The following PDE3B variants were observed in gnomAD, a reference collection of about 807,000 sequenced individuals.
PDE3B encodes the protein cGMP-inhibited 3',5'-cyclic phosphodiesterase 3B.
A neutral mutation model predicts 116.8 loss-of-function variants in PDE3B; 66 were observed. The observed-to-expected ratio is 0.56, with a 90% CI of 0.46 to 0.69. PDE3B has a LOEUF of 0.69. Ranked by LOEUF, PDE3B falls within the 30% of genes least tolerant of loss-of-function variation. PDE3B has a pLI of 0.00. For missense variants in PDE3B, 1,384 were observed against 1,368.1 expected, an observed-to-expected ratio of 1.01 and a Z score of -0.18; for synonymous variants, 595 against 533.6, an observed-to-expected ratio of 1.12 and a Z score of -1.59.
At chr11:14,879,115 T>A in the PDE3B span, 1 of 1,612,628 alleles carries the variant, frequency 6.2e-7, no homozygotes. Context: ...TTCTCTTACC[T>A]AGGGAAAAAG....
At chr11:14,654,947 AG>A (rs1423613501) in intron 1 of PDE3B, among the ~76,000 whole-genome samples, 6 of 61,894 alleles carry the variant, frequency 9.7e-5, no homozygotes, top group Admixed American at 6.8e-4. Context: ...CAGAGAAAAA[AG>A]GAGGTCAAAA....
At chr11:14,736,599 A>C (rs1336448937) in intron 1 of PDE3B, among the ~76,000 whole-genome samples, 1 of 152,250 alleles carries the variant, frequency 6.6e-6, no homozygotes, top group African/African-American at 2.4e-5. Context: ...GTTCATAAAC[A>C]TATTCAAATA....
the PDE3B span, chr11:14,880,895 G>C: frequency 1.2e-6 from 1 of 858,452 alleles, no homozygotes; most frequent in Non-Finnish European, 1.8e-6. Flanking sequence ...ATAACTACAT[G>C]GTTGGGTCCT....
intron 1 of PDE3B, among the ~76,000 whole-genome samples, chr11:14,749,388 C>T (rs1294742456): frequency 1.3e-5 from 2 of 151,992 alleles, no homozygotes; most frequent in African/African-American, 2.4e-5. Context: ...AACTCTATAC[C>T]TCTGAAGATA....
chr11:14,761,616 G>T (rs1353749335), intron 1 of PDE3B, among the ~76,000 whole-genome samples: 1 of 152,082 alleles, frequency 6.6e-6, no homozygotes, highest in East Asian at 1.9e-4. Flanking sequence ...AGTACATTTT[G>T]TTTTATAAGT....
At chr11:14,847,334 C>T (rs1221701730) in intron 12 of PDE3B, among the ~76,000 whole-genome samples, 5 of 151,020 alleles carry the variant, frequency 3.3e-5, no homozygotes, top group African/African-American at 1.2e-4. Context: ...GGGACACATT[C>T]AAAGCAGTGT....
chr11:14,815,109 C>T (rs1859282110), intron 5 of PDE3B, among the ~76,000 whole-genome samples: 1 of 151,550 alleles, frequency 6.6e-6, no homozygotes, highest in Admixed American at 6.6e-5. Flanking sequence ...TGTACTCCGG[C>T]CTGGGCGATA....
intron 2 of PDE3B, among the ~76,000 whole-genome samples, chr11:14,783,343 A>G (rs184086188): frequency 6.6e-6 from 1 of 152,200 alleles, no homozygotes; most frequent in African/African-American, 2.4e-5. Flanking sequence ...ACAATAGCAA[A>G]GACTTGGAAC....
chr11:14,718,518 G>A (rs987794886), intron 1 of PDE3B, among the ~76,000 whole-genome samples: 1 of 148,660 alleles, frequency 6.7e-6, no homozygotes, highest in Non-Finnish European at 1.5e-5. Context: ...CACATAGTTG[G>A]AAGTAAAGCT....
intron 12 of PDE3B, among the ~76,000 whole-genome samples, chr11:14,846,452 T>C (rs1847604300): frequency 1.3e-5 from 2 of 152,210 alleles, no homozygotes; most frequent in African/African-American, 4.8e-5. Context: ...AATAACTAGC[T>C]AACATCATAA....
chr11:14,668,880 G>GT (rs1854275125), intron 1 of PDE3B, among the ~76,000 whole-genome samples: 1 of 149,832 alleles, frequency 6.7e-6, no homozygotes, highest in Non-Finnish European at 1.5e-5. Flanking sequence ...TTTGGAAGCT[G>GT]TTTGTCTCGG....
At position 14,830,773 on chromosome 11, in the gene PDE3B, A is replaced by C. The variant is rs1232107027; in HGVS notation, c.1883A>C (p.Lys628Thr). 3.9e-6 allele frequency: 6 copies of C among 1,546,604 alleles called. No individual in the cohort carries two copies. In the South Asian group the frequency reaches 7.5e-5, roughly 19 times the overall value. ...ETQQEEETEK[K>T]DSRKLFQEGD... ...CAACAAGAAGAGGAAACAGAGAAGA[A>C]AGACAGCAGAAAATTATTTCAGGAA... The change falls in exon 8 of 16, where the codon AAA (lysine) becomes ACA (threonine). Residue 628 changes from lysine (K) to threonine (T), a missense_variant. This residue lies in a region of PDE3B where 956 missense variants were observed against 806.8 expected (regional missense o/e 1.18). Transcript: ENST00000282096.
chr11:14,686,870 T>G (rs1272582097), intron 1 of PDE3B, among the ~76,000 whole-genome samples: 3 of 152,050 alleles, frequency 2.0e-5, no homozygotes, highest in Non-Finnish European at 4.4e-5. Context: ...CCCGCCACCA[T>G]GGCTGGCTAA....
rs561682103 is a variant in PDE3B, at chr11:14,730,720, A to G, written c.979-41217A>G. Among the ~76,000 whole-genome samples, 209 of 152,326 alleles carry G rather than the reference A, an allele frequency of 1.4e-3. 1 individual carries two copies. Among genetic ancestry groups the G allele is most frequent in the African/African-American group, 4.6e-3 (193 of 41,576 alleles). ...ACATAGTATTCTATCCCTTCTTCTGAAAGATATATCAACATTTCCCTAGAT... is the reference window on the plus strand; with the variant it reads ...ACATAGTATTCTATCCCTTCTTCTGGAAGATATATCAACATTTCCCTAGAT... On this transcript the variant is annotated intron_variant, in intron 1 of 15. Transcript: ENST00000282096.
chr11:14,665,328 A>C (rs1854097490), intron 1 of PDE3B, among the ~76,000 whole-genome samples: 1 of 152,178 alleles, frequency 6.6e-6, no homozygotes, highest in South Asian at 2.1e-4. Flanking sequence ...ATGGGCAAAA[A>C]CTGGAAGCAT....
chr11:14,727,783 G>A (rs1268527054), intron 1 of PDE3B, among the ~76,000 whole-genome samples: 1 of 152,026 alleles, frequency 6.6e-6, no homozygotes, highest in African/African-American at 2.4e-5. Flanking sequence ...CCTGTTGGCT[G>A]TGAACTTTAT....
intron 14 of PDE3B, among the ~76,000 whole-genome samples, chr11:14,861,910 T>TG (rs1214979218): frequency 6.6e-6 from 1 of 152,208 alleles, no homozygotes; most frequent in African/African-American, 2.4e-5. Flanking sequence ...TCCTTTGAGG[T>TG]GGCTGTCACA....
chr11:14,834,845 T>G, intron 10 of PDE3B, 137 bp from the exon 11 acceptor site: 1 of 486,204 alleles, frequency 2.1e-6, no homozygotes, highest in Non-Finnish European at 3.7e-6. Context: ...TCAAGAGACT[T>G]TAGATGAAAT....
chr11:14,676,459 GA>G (rs1378187018), intron 1 of PDE3B, among the ~76,000 whole-genome samples: 1 of 152,072 alleles, frequency 6.6e-6, no homozygotes, highest in African/African-American at 2.4e-5. Flanking sequence ...TTTAAACATA[GA>G]AAAAGTACGG....
Sources: allele counts gnomAD v4.1 joint callset (sites outside exome capture counted in the v4.1 genomes callset), GRCh38; gene constraint gnomAD v4.1.1; regional missense constraint gnomAD v4.1.1; transcripts MANE v1.5; gene names NCBI Gene and HGNC (gene_info 2026-07-23, HGNC 2026-07-21).